The following INF2 variants were observed in gnomAD, a reference collection of about 807,000 sequenced individuals.
INF2 encodes inverted formin-2.
A neutral mutation model predicts 123.5 loss-of-function variants in INF2; 43 were observed. That is an observed-to-expected ratio of 0.35 (90% CI 0.27 to 0.45). The LOEUF is 0.45. INF2 is among the 20% of genes least tolerant of loss of function. The pLI, the probability that INF2 is intolerant of heterozygous loss-of-function variation, is 1.00. For missense variants in INF2, 1,453 were observed against 1,682.7 expected, an observed-to-expected ratio of 0.86 and a Z score of 2.39; for synonymous variants, 851 against 745.0, an observed-to-expected ratio of 1.14 and a Z score of -2.32.
chr14:104,697,111 C>A (rs1280890699), intron 1 of INF2, among the ~76,000 whole-genome samples: 1 of 152,238 alleles, frequency 6.6e-6, no homozygotes, highest in Non-Finnish European at 1.5e-5. Context: ...GCAGACCTCT[C>A]CCTTCCCTAC....
intron 7 of INF2, 67 bp downstream of exon 7, chr14:104,707,118 G>T (rs1010869629): frequency 3.5e-5 from 53 of 1,519,898 alleles, no homozygotes; most frequent in South Asian, 1.1e-4. Flanking sequence ...AGACCATGGG[G>T]GGGGGAGCCT....
At chr14:104,694,449 G>A (rs532854502) in intron 1 of INF2, among the ~76,000 whole-genome samples, 5 of 152,350 alleles carry the variant, frequency 3.3e-5, no homozygotes, top group South Asian at 4.1e-4. Flanking sequence ...TTCATGCAAC[G>A]TCCTAGCTCC....
chr14:104,708,394 C>CA, intron 8 of INF2, 42 bp from the exon 9 acceptor site: 1 of 1,605,476 alleles, frequency 6.2e-7, no homozygotes, highest in Non-Finnish European at 8.5e-7. Flanking sequence ...CGCCAGGCCC[C>CA]GGGGCTGCGA....
At position 104,701,671 on chromosome 14, in the gene INF2, C is replaced by T. The variant is rs748335660; in HGVS notation, c.306C>T (p.Val102=). The T allele has an allele frequency of 2.1e-5, 34 of 1,587,512 alleles. No homozygotes were observed. The African/African-American group carries it at 4.2e-4, about 19-fold the overall frequency. Residue 102 remains valine (V), a synonymous_variant, in exon 2 of 23, where the codon GTC becomes GTT. Coordinates refer to ENST00000392634, the MANE Select transcript of INF2 (RefSeq NM_022489.4). ...ACGCCCTGCTGCAGCTCACCTGCGT[C>T]AGCTGCGTGCGCGCCGTCATGAACT... ...ISDALLQLTC[V]SCVRAVMNSR...
chr14:104,682,925 GGGGCCTCCGCAA>G (rs1566767701), intron 1 of INF2, among the ~76,000 whole-genome samples: 2 of 152,064 alleles, frequency 1.3e-5, no homozygotes, highest in Non-Finnish European at 2.9e-5. Context: ...GCTAGTGGCT[GGGGCCTCCGCAA>G]TGTTGGGTGT....
chr14:104,689,422 GC>G (rs944905089), upstream of INF2, among the ~76,000 whole-genome samples: 2 of 152,164 alleles, frequency 1.3e-5, no homozygotes, highest in African/African-American at 4.8e-5. Context: ...CCGCGAGGGG[GC>G]GGCCAGGTTA....
chr14:104,712,361 G>A (rs1890092768), intron 16 of INF2, 72 bp from the exon 17 acceptor site: 12 of 1,599,696 alleles, frequency 7.5e-6, no homozygotes, highest in Non-Finnish European at 9.4e-6. Flanking sequence ...GGGTGCAGGG[G>A]AGGGGCTCCC....
chr14:104,703,965 A>G lies in INF2; in HGVS notation c.701+16A>G, dbSNP rs1889658197. 1 of 1,608,890 alleles carries G rather than the reference A, an allele frequency of 6.2e-7. No homozygotes were observed. The highest frequency in any genetic ancestry group is 8.5e-7 in the Non-Finnish European group (1 of 1,179,952). On this transcript the variant is annotated intron_variant, in intron 5 of 22. Transcript: ENST00000392634. ...CTCGCCTGCGGTGAGTCCCCACTGTAGCGGTCCTGCCGGCTCCCCCTCCTG... is the reference window on the plus strand; with the variant it reads ...CTCGCCTGCGGTGAGTCCCCACTGTGGCGGTCCTGCCGGCTCCCCCTCCTG...
Position 104,684,087 on chromosome 14 carries a change from A to C in INF2, c.-104+2505A>C. On this transcript the variant is annotated intron_variant, in intron 1 of 2. Transcript: ENST00000674723. This position sits in a 1 kb window ranked among gnomAD's most constrained non-coding sequence, Gnocchi z 5.0. ...GGTGGAGAACCCCTTCTTTAAGCAAAAGATGGCACGGACCCCCGACATAAG... is the reference window on the plus strand; with the variant it reads ...GGTGGAGAACCCCTTCTTTAAGCAACAGATGGCACGGACCCCCGACATAAG... 2.2e-6 allele frequency: 1 copy of C among 456,006 alleles called. No homozygotes were observed. Among genetic ancestry groups the C allele is most frequent in the Non-Finnish European group, 4.4e-6 (1 of 226,758 alleles). 28.2% of individuals were successfully genotyped at this position (456,006 alleles called of 1,614,324 possible).
chr14:104,688,637 C>T (rs140664290), upstream of INF2, among the ~76,000 whole-genome samples: 8 of 152,354 alleles, frequency 5.3e-5, no homozygotes, highest in Non-Finnish European at 8.8e-5. Context: ...AGCCTGAGGC[C>T]GCACAGGGAG....
At position 104,721,854 on chromosome 14, in the gene INF2, C is replaced by T. The variant is rs1468491649; in HGVS notation, c.*3061C>T. 1.3e-5 allele frequency: 2 copies of T among 152,328 alleles called. No individual in the cohort carries two copies. The highest frequency in any genetic ancestry group is 2.9e-5 in the Non-Finnish European group (2 of 68,084). 9.4% of individuals were successfully genotyped at this position (152,328 alleles called of 1,614,324 possible). ...GCTACAGCCAGCAAAGGAACCAAAA[C>T]CAACAGGAGCTCTGGGGGTGCCTTG... On this transcript the variant is annotated 3_prime_UTR_variant, in exon 23 of 23. Transcript: ENST00000392634.
chr14:104,708,808 A>T, intron 10 of INF2, 76 bp downstream of exon 10: 1 of 1,460,472 alleles, frequency 6.8e-7, no homozygotes, highest in Non-Finnish European at 9.6e-7. Flanking sequence ...TGGGCCCAGC[A>T]GTGCCCTCTG....
rs2140666799 is a variant in INF2, at chr14:104,707,263, C to T, written c.996C>T (p.Cys332=). Residue 332 remains cysteine (C), a synonymous_variant, in exon 8 of 23, where the codon TGC becomes TGT. Coordinates refer to ENST00000392634, the MANE Select transcript of INF2 (RefSeq NM_022489.4). ...AVLLASDAQE[C]TLEEVVERLL... ...CATCCCCTACTGCAGCCCAGGAATG[C>T]ACCCTGGAGGAAGTGGTTGAGCGGC... 1 of 1,609,182 alleles carries T rather than the reference C, an allele frequency of 6.2e-7. No homozygotes were observed. The highest frequency in any genetic ancestry group is 8.5e-7 in the Non-Finnish European group (1 of 1,178,328).
At position 104,703,063 on chromosome 14, in the gene INF2, G is replaced by A. The variant is rs1049663937; in HGVS notation, c.392-42G>A. On this transcript the variant is annotated intron_variant, in intron 2 of 22. Coordinates refer to ENST00000392634, the MANE Select transcript of INF2 (RefSeq NM_022489.4). ...GCCCAGCTGCACAGGCATGGGAAGGGGTGCATTGGCCCTGCTGAGCCTGCC... is the reference window on the plus strand; with the variant it reads ...GCCCAGCTGCACAGGCATGGGAAGGAGTGCATTGGCCCTGCTGAGCCTGCC... The A allele has an allele frequency of 1.8e-5, 27 of 1,491,310 alleles. No homozygotes were observed. The Admixed American group carries it at 3.1e-4, about 17-fold the overall frequency. The allele number at this position is 1,491,310 out of a possible 1,614,324, so 92.4% of individuals were successfully genotyped here.
chr14:104,691,725 G>A (rs983349995), intron 1 of INF2, among the ~76,000 whole-genome samples: 2 of 152,006 alleles, frequency 1.3e-5, no homozygotes, highest in Admixed American at 6.5e-5. Flanking sequence ...AGGAGAGAGG[G>A]CAGGGGCACG....
chr14:104,713,792 T>C (rs1204746367), intron 20 of INF2, among the ~76,000 whole-genome samples, 186 bp downstream of exon 20: 1 of 152,060 alleles, frequency 6.6e-6, no homozygotes, highest in East Asian at 1.9e-4. Context: ...CTCCCTCCAC[T>C]CACTCCAGCT....
rs72715966 is a variant in INF2 at position 104,719,826 on chromosome 14, C to T, written c.*1033C>T. The T allele has an allele frequency of 0.18, 27,363 of 152,202 alleles. 2,606 individuals are homozygous for T. Among genetic ancestry groups the T allele is most frequent in the Non-Finnish European group, 0.22 (14,633 of 68,034 alleles). 9.4% of individuals were successfully genotyped at this position (152,202 alleles called of 1,614,324 possible). On this transcript the variant is annotated 3_prime_UTR_variant, in exon 23 of 23. Transcript: ENST00000392634. The stretch of plus-strand genomic sequence containing the variant: ...CCAGTCCCCCAGGCCAGGGGCTGTC[C>T]CTGGAGCCCTCAGGAGGCAGTAAGA...
chr14:104,696,020 G>A (rs1185767909), intron 1 of INF2, among the ~76,000 whole-genome samples: 1 of 152,170 alleles, frequency 6.6e-6, no homozygotes, highest in Admixed American at 6.5e-5. Context: ...CCGAGATGCA[G>A]CTTCAGTTAG....
At position 104,710,167 on chromosome 14, in the gene INF2, C is replaced by G; in HGVS notation, c.2218C>G (p.Leu740Val). ...GGACATGGTGCGGCCCAAGGCCCAG[C>G]TGGTGCTGGCTGCCTGCGAAAGTGA... ...VLDMVRPKAQ[L>V]VLAACESLLT... The change falls in exon 13 of 23, where the codon CTG becomes GTG. Residue 740 changes from leucine (L) to valine (V), a missense_variant. By Grantham distance (32) the Leu-to-Val change is conservative (BLOSUM62 1). This residue lies in a region of INF2 where 192 missense variants were observed against 274.4 expected (regional missense o/e 0.70). Coordinates refer to ENST00000392634, the MANE Select transcript of INF2 (RefSeq NM_022489.4). 1 of 1,549,588 alleles carries G rather than the reference C, an allele frequency of 6.5e-7. No homozygotes were observed. Among genetic ancestry groups the G allele is most frequent in the Non-Finnish European group, 8.7e-7 (1 of 1,147,488 alleles).
Sources: gnomAD v4.1 joint callset for allele counts (sites outside exome capture counted in the v4.1 genomes callset) on GRCh38, gnomAD v4.1.1 for gene constraint, gnomAD v4.1.1 regional missense constraint, Gnocchi (gnomAD v3.1) non-coding constraint, MANE v1.5 for transcripts, NCBI Gene and HGNC (gene_info 2026-07-23, HGNC 2026-07-21) for gene names.